ENTPD1: variants seen among roughly 807,000 people sequenced by gnomAD.
The protein encoded by ENTPD1 is ATP diphosphohydrolase.
In ENTPD1, 33 loss-of-function variants were observed where a neutral mutation model predicts 57.0. The observed-to-expected ratio is 0.58, with a 90% CI of 0.44 to 0.77. The LOEUF is 0.77. Ranked by LOEUF, ENTPD1 falls within the 30% of genes least tolerant of loss-of-function variation. The pLI is 0.00. For synonymous variants in ENTPD1, 202 were observed against 218.8 expected, an observed-to-expected ratio of 0.92 and a Z score of 0.68; for missense variants, 501 against 603.4, an observed-to-expected ratio of 0.83 and a Z score of 1.78.
At position 95,760,814 on chromosome 10, in the gene ENTPD1, C is replaced by CTTTTTTTTTTTTTTTTTTTTTTTTTTTTT. The variant is rs71034350; in HGVS notation, c.16+4564_16+4592dup. On this transcript the variant is annotated intron_variant, in intron 1 of 9. Coordinates refer to ENST00000371205, the MANE Select transcript of ENTPD1 (RefSeq NM_001776.6). Reference sequence around the variant, plus strand: ...TGGAGTAAATTACATAGAGTTTATTCTTTTTTTTTTTTTTTTTTTTTTTTT... The same window carrying CTTTTTTTTTTTTTTTTTTTTTTTTTTTTT: ...TGGAGTAAATTACATAGAGTTTATTCTTTTTTTTTTTTTTTTTTTTTTTTTTTTTTTTTTTTTTTTTTTTTTTTTTTTTT... 4.8e-5 allele frequency among the ~76,000 whole-genome samples: 3 copies of CTTTTTTTTTTTTTTTTTTTTTTTTTTTTT among 62,956 alleles called. 1 individual carries two copies. The highest frequency in any genetic ancestry group is 4.1e-4 in the Admixed American group (2 of 4,846). 41.3% of individuals were successfully genotyped at this position (62,956 alleles called of 152,430 possible).
intron 1 of ENTPD1, among the ~76,000 whole-genome samples, chr10:95,807,720 T>C (rs537712731): frequency 6.6e-6 from 1 of 152,354 alleles, no homozygotes; most frequent in Non-Finnish European, 1.5e-5. Flanking sequence ...GCTCTCAGCT[T>C]GACTGATGTT....
intron 7 of ENTPD1, among the ~76,000 whole-genome samples, chr10:95,854,029 C>T (rs2098450056): frequency 1.3e-5 from 2 of 152,156 alleles, no homozygotes; most frequent in Non-Finnish European, 2.9e-5. Flanking sequence ...CCTTGTATCT[C>T]TGGTAGAATT....
upstream of ENTPD1, among the ~76,000 whole-genome samples, chr10:95,751,376 A>C (rs1023268188): frequency 1.3e-5 from 2 of 152,290 alleles, no homozygotes; most frequent in African/African-American, 4.8e-5. Context: ...GGGGTCTAGG[A>C]GGACCCTGAG....
chr10:95,839,324 T>TC, intron 2 of ENTPD1: 1 of 303,750 alleles, frequency 3.3e-6, no homozygotes, highest in South Asian at 3.2e-5. Context: ...TGTAGACAAG[T>TC]TTGGGGACTA....
the ENTPD1 span, among the ~76,000 whole-genome samples, chr10:95,702,716 A>G: frequency 3.5e-4 from 53 of 152,360 alleles, no homozygotes; most frequent in African/African-American, 1.1e-3. Context: ...AATCCCAAAC[A>G]TTGACAAAGA....
chr10:95,829,325 G>T (rs941695595), intron 2 of ENTPD1, among the ~76,000 whole-genome samples: 1 of 152,214 alleles, frequency 6.6e-6, no homozygotes, highest in Admixed American at 6.5e-5. Context: ...AGAATTGTCT[G>T]CCCTGGGGAT....
rs71034350 is a variant in ENTPD1, at chr10:95,760,814, C to CTTTTTTTTTTTTTTTTTTTT, written c.16+4573_16+4592dup. Among the ~76,000 whole-genome samples the CTTTTTTTTTTTTTTTTTTTT allele has an allele frequency of 2.7e-4, 17 of 62,968 alleles. 3 individuals carry two copies. Among genetic ancestry groups the CTTTTTTTTTTTTTTTTTTTT allele is most frequent in the African/African-American group, 4.7e-4 (7 of 14,916 alleles). The allele number at this position is 62,968 out of a possible 152,430, so 41.3% of individuals were successfully genotyped here. Reference sequence around the variant, plus strand: ...TGGAGTAAATTACATAGAGTTTATTCTTTTTTTTTTTTTTTTTTTTTTTTT... The same window carrying CTTTTTTTTTTTTTTTTTTTT: ...TGGAGTAAATTACATAGAGTTTATTCTTTTTTTTTTTTTTTTTTTTTTTTTTTTTTTTTTTTTTTTTTTTT... On this transcript the variant is annotated intron_variant, in intron 1 of 9. Transcript: ENST00000371205.
chr10:95,727,034 T>C (rs1206566059), intron 1 of ENTPD1, among the ~76,000 whole-genome samples: 1 of 152,184 alleles, frequency 6.6e-6, no homozygotes, highest in East Asian at 1.9e-4. Flanking sequence ...GTTTCCACAG[T>C]AAATTATGCC....
chr10:95,866,693 A>G lies in ENTPD1; in HGVS notation c.*310A>G. 1 of 1,208,166 alleles carries G rather than the reference A, an allele frequency of 8.3e-7. No individual in the cohort carries two copies. The highest frequency in any genetic ancestry group is 3.7e-5 in the Admixed American group (1 of 26,760). 74.8% of individuals were successfully genotyped at this position (1,208,166 alleles called of 1,614,324 possible). Reference sequence around the variant, plus strand: ...AATCTTTGCTTTATAAAAGAACAATATTGACTTTGTCTAGAAGAACTGAGA... The same window carrying G: ...AATCTTTGCTTTATAAAAGAACAATGTTGACTTTGTCTAGAAGAACTGAGA... On this transcript the variant is annotated 3_prime_UTR_variant, in exon 10 of 10. Coordinates refer to ENST00000371205, the MANE Select transcript of ENTPD1 (RefSeq NM_001776.6).
Position 95,876,094 on chromosome 10 carries a change from G to C in ENTPD1, c.*9711G>C. ...TACAAGGTTTGAAACCTGAAATGCAGTCTATTATCATACATAACTAAAAAT... is the reference window on the plus strand; with the variant it reads ...TACAAGGTTTGAAACCTGAAATGCACTCTATTATCATACATAACTAAAAAT... On this transcript the variant is annotated 3_prime_UTR_variant, in exon 10 of 10. Coordinates refer to ENST00000371205, the MANE Select transcript of ENTPD1 (RefSeq NM_001776.6). 2 of 985,360 alleles carry C rather than the reference G, an allele frequency of 2.0e-6. No individual in the cohort carries two copies. Among genetic ancestry groups the C allele is most frequent in the Non-Finnish European group, 2.4e-6 (2 of 829,902 alleles). 61.0% of individuals were successfully genotyped at this position (985,360 alleles called of 1,614,324 possible).
chr10:95,740,040 A>T (rs563292613), intron 1 of ENTPD1, among the ~76,000 whole-genome samples: 19 of 152,350 alleles, frequency 1.2e-4, no homozygotes, highest in African/African-American at 4.6e-4. Flanking sequence ...CAGTTAGCTT[A>T]AAATATTCAG....
At chr10:95,735,345 C>G (rs1015896492) in intron 1 of ENTPD1, among the ~76,000 whole-genome samples, 4 of 152,134 alleles carry the variant, frequency 2.6e-5, no homozygotes, top group African/African-American at 7.2e-5. Context: ...GTTTGGAAAT[C>G]AAGATGTGTC....
At chr10:95,865,441 G>A (rs571648300) in intron 9 of ENTPD1, among the ~76,000 whole-genome samples, 4 of 152,280 alleles carry the variant, frequency 2.6e-5, no homozygotes, top group South Asian at 2.1e-4. Context: ...CCAGCTGAGC[G>A]ACTCATGCTT....
upstream of ENTPD1, among the ~76,000 whole-genome samples, chr10:95,707,350 G>A (rs2097962962): frequency 6.6e-6 from 1 of 152,208 alleles, no homozygotes. Flanking sequence ...ACAGTTTGGG[G>A]GGGCTGCAGT....
chr10:95,838,086 C>T (rs992664780), intron 2 of ENTPD1, among the ~76,000 whole-genome samples: 5 of 152,136 alleles, frequency 3.3e-5, no homozygotes, highest in Non-Finnish European at 5.9e-5. Context: ...ACGTGACAAG[C>T]GTCTCCTTCT....
intron 2 of ENTPD1, among the ~76,000 whole-genome samples, chr10:95,828,302 T>C (rs1253175658): frequency 6.6e-6 from 1 of 152,182 alleles, no homozygotes; most frequent in Non-Finnish European, 1.5e-5. Flanking sequence ...GGATGATCTG[T>C]CACTGTCTCC....
At chr10:95,861,434 G>A (rs573054935) in intron 8 of ENTPD1, 1 of 152,304 alleles carries the variant, frequency 6.6e-6, no homozygotes, top group South Asian at 2.1e-4. Context: ...AGTTGCAAAA[G>A]TGAATGGTGT....
At chr10:95,776,809 T>C (rs2098135930) in intron 1 of ENTPD1, among the ~76,000 whole-genome samples, 2 of 152,244 alleles carry the variant, frequency 1.3e-5, no homozygotes, top group Non-Finnish European at 2.9e-5. Flanking sequence ...TAGTCCCATA[T>C]TTCTTGGAGG....
chr10:95,817,720 C>T (rs2098334910), intron 1 of ENTPD1, among the ~76,000 whole-genome samples: 1 of 152,218 alleles, frequency 6.6e-6, no homozygotes, highest in African/African-American at 2.4e-5. Flanking sequence ...CTAATCACTG[C>T]ATCCTTCCTT....
Sources: allele counts gnomAD v4.1 joint callset (sites outside exome capture counted in the v4.1 genomes callset), GRCh38; gene constraint gnomAD v4.1.1; transcripts MANE v1.5; gene names NCBI Gene and HGNC (gene_info 2026-07-23, HGNC 2026-07-21).